Variants in PPFIA2 observed in about 807,000 individuals in gnomAD.
PPFIA2 encodes liprin-alpha-2.
A neutral mutation model predicts 175.5 loss-of-function variants in PPFIA2; 46 were observed. That is an observed-to-expected ratio of 0.26 (90% CI 0.21 to 0.34). The LOEUF (loss-of-function observed/expected upper bound fraction) is 0.34, where lower values mean the gene tolerates loss of function less well. Ranked by LOEUF, PPFIA2 falls within the 10% of genes least tolerant of loss-of-function variation. The pLI, the probability that PPFIA2 is intolerant of heterozygous loss-of-function variation, is 1.00. For missense variants in PPFIA2, 1,179 were observed against 1,506.1 expected, an observed-to-expected ratio of 0.78 and a Z score of 3.60; for synonymous variants, 568 against 511.4, an observed-to-expected ratio of 1.11 and a Z score of -1.49.
chr12:81,448,916 A>G (rs1212090234), intron 5 of PPFIA2, among the ~76,000 whole-genome samples: 1 of 152,208 alleles, frequency 6.6e-6, no homozygotes, highest in Non-Finnish European at 1.5e-5. Context: ...TTGTCATATC[A>G]TGATAGGTAA....
At chr12:81,346,338 C>T (rs1409650614) in intron 18 of PPFIA2, among the ~76,000 whole-genome samples, 1 of 151,902 alleles carries the variant, frequency 6.6e-6, no homozygotes, top group African/African-American at 2.4e-5. Flanking sequence ...TCCATTTATA[C>T]TCTCAAAACC....
At chr12:81,638,418 TAAAG>T (rs1412299686) in intron 4 of PPFIA2, among the ~76,000 whole-genome samples, 1 of 151,952 alleles carries the variant, frequency 6.6e-6, no homozygotes, top group African/African-American at 2.4e-5. Context: ...TATTTATAGA[TAAAG>T]AGATAAGTTT....
intron 8 of PPFIA2, among the ~76,000 whole-genome samples, chr12:81,397,212 G>A (rs1277803336): frequency 6.6e-6 from 1 of 151,996 alleles, no homozygotes; most frequent in East Asian, 1.9e-4. Context: ...TTGGAATCAT[G>A]GAGAGAGTGT....
Position 81,429,184 on chromosome 12 carries a change from T to C in PPFIA2, c.645+10788A>G, listed in dbSNP as rs533754617. On this transcript the variant is annotated intron_variant, in intron 7 of 32. Coordinates refer to ENST00000549396, the MANE Select transcript of PPFIA2 (RefSeq NM_003625.5). ...AAGTCATTATGAGAGTAATCATTTT[T>C]ATAAAGCAGTGATAGACATACAAAA... Among the ~76,000 whole-genome samples, 14 of 152,158 alleles carry C rather than the reference T, an allele frequency of 9.2e-5. 1 individual carries two copies. In the South Asian group the frequency reaches 2.9e-3, roughly 32 times the overall value.
intron 4 of PPFIA2, among the ~76,000 whole-genome samples, chr12:81,461,280 G>T (rs899724914): frequency 3.9e-5 from 6 of 151,998 alleles, no homozygotes; most frequent in African/African-American, 1.4e-4. Flanking sequence ...GCTTAGCAGT[G>T]ATGAATAACT....
chr12:81,574,186 T>C (rs1379206080), intron 4 of PPFIA2, among the ~76,000 whole-genome samples: 1 of 151,906 alleles, frequency 6.6e-6, no homozygotes, highest in African/African-American at 2.4e-5. Flanking sequence ...TCTACTTCTG[T>C]GCAGCCAGAA....
At chr12:81,507,298 C>A (rs12830922) in intron 4 of PPFIA2, among the ~76,000 whole-genome samples, 3,116 of 152,088 alleles carry the variant, frequency 0.02, 39 homozygotes, top group South Asian at 0.061. Flanking sequence ...ATTATTAATT[C>A]TTTTCTTGTT....
At chr12:81,414,626 A>T (rs1395661752) in intron 7 of PPFIA2, among the ~76,000 whole-genome samples, 2 of 151,706 alleles carry the variant, frequency 1.3e-5, no homozygotes, top group Non-Finnish European at 3.0e-5. Flanking sequence ...TTTTTATCCC[A>T]AATTCAATTA....
chr12:81,542,688 T>C (rs2066402674), intron 4 of PPFIA2, among the ~76,000 whole-genome samples: 1 of 152,120 alleles, frequency 6.6e-6, no homozygotes, highest in Non-Finnish European at 1.5e-5. Flanking sequence ...CTTAGAAAAT[T>C]TGTGAATATA....
In PPFIA2 at chr12:81,281,142, T is replaced by C. The variant is rs1171280714; in HGVS notation, c.3212+115A>G. On this transcript the variant is annotated intron_variant, in intron 27 of 32. Coordinates refer to ENST00000549396, the MANE Select transcript of PPFIA2 (RefSeq NM_003625.5). ...CAAGTAGATGTATACAAACGATGTT[T>C]CAAATGACATATATTTTCTGTCTTC... is the stretch of plus-strand genomic sequence containing the variant. The C allele has an allele frequency of 3.7e-6, 3 of 816,200 alleles. No homozygotes were observed. The African/African-American group carries it at 5.2e-5, about 14-fold the overall frequency. 50.6% of individuals were successfully genotyped at this position (816,200 alleles called of 1,614,324 possible).
Position 81,735,405 on chromosome 12 carries a change from T to G in PPFIA2, c.249+18568A>C, listed in dbSNP as rs2081446520. 2.0e-5 allele frequency among the ~76,000 whole-genome samples: 3 copies of G among 151,880 alleles called. No individual in the cohort carries two copies. The South Asian group carries it at 6.2e-4, about 31-fold the overall frequency. ...CATCTATTTACCATCACTGATGAAA[T>G]GTCTATGCAAATTGTTTACCCATTT... On this transcript the variant is annotated intron_variant, in intron 3 of 32. Coordinates refer to ENST00000549396, the MANE Select transcript of PPFIA2 (RefSeq NM_003625.5).
intron 11 of PPFIA2, among the ~76,000 whole-genome samples, chr12:81,373,321 T>C (rs2035622642): frequency 6.6e-6 from 1 of 151,984 alleles, no homozygotes; most frequent in African/African-American, 2.4e-5. Flanking sequence ...TTTATGTTCT[T>C]TAGATGAAAG....
At chr12:81,743,355 T>A (rs2082569396) in intron 3 of PPFIA2, among the ~76,000 whole-genome samples, 1 of 127,492 alleles carries the variant, frequency 7.8e-6, no homozygotes, top group African/African-American at 2.9e-5. Context: ...AGGTGGAGGT[T>A]GCAGTGAGCC....
intron 4 of PPFIA2, among the ~76,000 whole-genome samples, chr12:81,664,713 T>C (rs1272246979): frequency 6.6e-6 from 1 of 152,146 alleles, no homozygotes; most frequent in Non-Finnish European, 1.5e-5. Context: ...TTATAAATCA[T>C]GCTGCTATAA....
chr12:81,449,113 C>T (rs988091095), intron 5 of PPFIA2, among the ~76,000 whole-genome samples: 1 of 152,180 alleles, frequency 6.6e-6, no homozygotes, highest in Non-Finnish European at 1.5e-5. Flanking sequence ...GCCTATTTCC[C>T]TTGCCACCAT....
intron 3 of PPFIA2, among the ~76,000 whole-genome samples, chr12:81,752,204 T>C (rs762287417): frequency 6.6e-6 from 1 of 152,112 alleles, no homozygotes; most frequent in Non-Finnish European, 1.5e-5. Context: ...TATAATAAAA[T>C]CCTAGTGTAA....
At chr12:81,597,973 C>T (rs891593191) in intron 4 of PPFIA2, 2 of 1,534,900 alleles carry the variant, frequency 1.3e-6, no homozygotes, top group African/African-American at 2.7e-5. Context: ...AAAACCGGGT[C>T]CCATTAGGAG....
At position 81,457,227 on chromosome 12, in the gene PPFIA2, G is replaced by A. The variant is rs574145009; in HGVS notation, c.405+538C>T. On this transcript the variant is annotated intron_variant, in intron 5 of 32. Transcript: ENST00000549396. ...TTGAACTCCTGAACTTAGGTGATCC[G>A]CCTGCCTTGGCCTCCCAAAGTGCTG... is the stretch of plus-strand genomic sequence containing the variant. 2.5e-3 allele frequency among the ~76,000 whole-genome samples: 374 copies of A among 151,358 alleles called. 1 individual carries two copies. Among genetic ancestry groups the A allele is most frequent in the African/African-American group, 8.7e-3 (361 of 41,284 alleles).
At chr12:81,680,589 C>T (rs1261924295) in intron 3 of PPFIA2, among the ~76,000 whole-genome samples, 1 of 151,898 alleles carries the variant, frequency 6.6e-6, no homozygotes, top group Admixed American at 6.6e-5. Flanking sequence ...CAGAACATGA[C>T]AAAGGAGGCA....
Sources: allele counts gnomAD v4.1 joint callset (sites outside exome capture counted in the v4.1 genomes callset), GRCh38; gene constraint gnomAD v4.1.1; transcripts MANE v1.5; gene names NCBI Gene and HGNC (gene_info 2026-07-23, HGNC 2026-07-21).